The following PTPRT variants were observed in gnomAD, a reference collection of about 807,000 sequenced individuals.
The protein encoded by PTPRT is receptor-type tyrosine-protein phosphatase T.
In PTPRT, 56 loss-of-function variants were observed where a neutral mutation model predicts 176.8. That is an observed-to-expected ratio of 0.32 (90% CI 0.26 to 0.40). The LOEUF is 0.40. Ranked by LOEUF, PTPRT falls within the 10% of genes least tolerant of loss-of-function variation. The pLI is 1.00. For synonymous variants in PTPRT, 783 were observed against 739.0 expected, an observed-to-expected ratio of 1.06 and a Z score of -0.96; for missense variants, 1,540 against 1,908.2, an observed-to-expected ratio of 0.81 and a Z score of 3.60.
chr20:42,297,066 C>A (rs890548812), intron 12 of PTPRT, among the ~76,000 whole-genome samples: 1 of 151,868 alleles, frequency 6.6e-6, no homozygotes, highest in Non-Finnish European at 1.5e-5. Context: ...AAGCTATAAA[C>A]AGTAAATGAA....
Position 42,799,212 on chromosome 20 carries a change from A to C in PTPRT, c.215-7746T>G, listed in dbSNP as rs569402284. Among the ~76,000 whole-genome samples, 502 of 152,030 alleles carry C rather than the reference A, an allele frequency of 3.3e-3. 2 individuals are homozygous for C. Among genetic ancestry groups the C allele is most frequent in the South Asian group, 0.018 (87 of 4,796 alleles). On this transcript the variant is annotated intron_variant, in intron 2 of 30. Transcript: ENST00000373187. ...GGGAACAAGGGAAAGAGGCAGAAGG[A>C]GAAGCAGGAGACATGAACTGCAGGC...
At chr20:42,336,011 C>T (rs763475) in intron 11 of PTPRT, among the ~76,000 whole-genome samples, 131,764 of 152,146 alleles carry the variant, frequency 0.87, 57,489 homozygotes, top group Non-Finnish European at 0.91. Context: ...ATAGGGATAA[C>T]ACTAGTTTCT....
At chr20:42,560,189 G>T (rs1376114795) in intron 7 of PTPRT, among the ~76,000 whole-genome samples, 1 of 152,160 alleles carries the variant, frequency 6.6e-6, no homozygotes. Flanking sequence ...TCTGGAAGCC[G>T]ACTTCTACAG....
At chr20:42,345,898 C>T (rs2058187817) in intron 11 of PTPRT, among the ~76,000 whole-genome samples, 1 of 152,084 alleles carries the variant, frequency 6.6e-6, no homozygotes. Flanking sequence ...TCTGATGAGC[C>T]TTGAATTCCA....
At chr20:42,706,140 T>C (rs1030706168) in intron 6 of PTPRT, among the ~76,000 whole-genome samples, 1 of 151,526 alleles carries the variant, frequency 6.6e-6, no homozygotes, top group Admixed American at 6.6e-5. Flanking sequence ...TGTCTGTCTG[T>C]CTCTCTTTGT....
chr20:42,927,516 C>T (rs1390131272), intron 1 of PTPRT, among the ~76,000 whole-genome samples: 1 of 151,930 alleles, frequency 6.6e-6, no homozygotes, highest in Non-Finnish European at 1.5e-5. Context: ...GAGCCAGGAT[C>T]GCATCACTGC....
At chr20:43,013,069 A>AT (rs1037435324) in intron 1 of PTPRT, among the ~76,000 whole-genome samples, 5 of 150,902 alleles carry the variant, frequency 3.3e-5, no homozygotes, top group Admixed American at 2.0e-4. Flanking sequence ...CTTTTTATGA[A>AT]TTTTTTTTTC....
At chr20:42,771,257 C>T (rs769453740) in intron 5 of PTPRT, among the ~76,000 whole-genome samples, 178 bp downstream of exon 5, 43 of 152,192 alleles carry the variant, frequency 2.8e-4, no homozygotes, top group Non-Finnish European at 5.9e-4. Context: ...AGACCTCTCC[C>T]GCCTGGACCT....
Position 42,118,396 on chromosome 20 carries a change from G to A in PTPRT, c.2982+7C>T. 1 of 1,607,402 alleles carries A rather than the reference G, an allele frequency of 6.2e-7. No individual in the cohort carries two copies. The highest frequency in any genetic ancestry group is 8.5e-7 in the Non-Finnish European group (1 of 1,176,038). On this transcript the variant is annotated splice_region_variant and intron_variant, in intron 21 of 30. Transcript: ENST00000373187. Reference sequence around the variant, plus strand: ...CCTCTGCCCAGGCGAGTGCAGGAGAGGCTTACCCTGCCCACTTCCACCAGG... The same window carrying A: ...CCTCTGCCCAGGCGAGTGCAGGAGAAGCTTACCCTGCCCACTTCCACCAGG...
intron 7 of PTPRT, among the ~76,000 whole-genome samples, chr20:42,529,156 T>A (rs570782171): frequency 6.9e-4 from 105 of 152,316 alleles, no homozygotes; most frequent in Admixed American, 2.0e-3. Context: ...TCCTCACCTA[T>A]AAGATGTCAC....
At chr20:42,359,550 G>A (rs1439151874) in intron 9 of PTPRT, among the ~76,000 whole-genome samples, 1 of 152,140 alleles carries the variant, frequency 6.6e-6, no homozygotes, top group African/African-American at 2.4e-5. Flanking sequence ...CTCAGCCAGC[G>A]GGAGGGAAGA....
chr20:42,191,882 A>ATCAT (rs1444110021), intron 16 of PTPRT, among the ~76,000 whole-genome samples: 2 of 152,308 alleles, frequency 1.3e-5, no homozygotes, highest in Non-Finnish European at 2.9e-5. Flanking sequence ...TTCCAGCTCC[A>ATCAT]TCATTCATTC....
chr20:42,758,213 C>A (rs1046546669), intron 5 of PTPRT, among the ~76,000 whole-genome samples: 1 of 152,178 alleles, frequency 6.6e-6, no homozygotes, highest in African/African-American at 2.4e-5. Flanking sequence ...ATTCTCATGC[C>A]CTGAGTCTCC....
Position 42,723,987 on chromosome 20 carries a change from C to T in PTPRT, c.859+32475G>A, listed in dbSNP as rs372521603. Among the ~76,000 whole-genome samples, 12 of 152,262 alleles carry T rather than the reference C, an allele frequency of 7.9e-5. 1 individual carries two copies. The highest frequency in any genetic ancestry group is 1.0e-4 in the Non-Finnish European group (7 of 68,018). The stretch of plus-strand genomic sequence containing the variant: ...TCTTAGTGAGTTCATATTACCTCTC[C>T]GAGGCTGTCTCAATGAGTGAAAATA... On this transcript the variant is annotated intron_variant, in intron 6 of 30. Transcript: ENST00000373187.
chr20:42,881,817 G>C (rs1233472969), intron 2 of PTPRT, among the ~76,000 whole-genome samples: 1 of 151,720 alleles, frequency 6.6e-6, no homozygotes, highest in East Asian at 1.9e-4. Flanking sequence ...AACAAATTCT[G>C]GTGAGAAGGA....
intron 14 of PTPRT, among the ~76,000 whole-genome samples, chr20:42,243,726 C>A (rs1472122953): frequency 6.6e-6 from 1 of 152,184 alleles, no homozygotes; most frequent in Non-Finnish European, 1.5e-5. Context: ...TAGAAGGTAG[C>A]AGCATGAGCT....
At chr20:42,435,897 A>C (rs1013616047) in intron 9 of PTPRT, among the ~76,000 whole-genome samples, 1 of 152,216 alleles carries the variant, frequency 6.6e-6, no homozygotes, top group Non-Finnish European at 1.5e-5. Context: ...AAATATGACT[A>C]TGCATGGTTA....
intron 15 of PTPRT, among the ~76,000 whole-genome samples, chr20:42,225,543 A>G (rs1009282631): frequency 6.6e-6 from 1 of 151,910 alleles, no homozygotes; most frequent in African/African-American, 2.4e-5. Flanking sequence ...TGCCTTTTTA[A>G]GTTTTTTTCC....
chr20:42,665,717 G>A (rs1370354119), intron 7 of PTPRT, among the ~76,000 whole-genome samples: 2 of 152,110 alleles, frequency 1.3e-5, no homozygotes, highest in Non-Finnish European at 2.9e-5. Flanking sequence ...TGATAGACTG[G>A]ATTAAGAAAA....
Sources: allele counts gnomAD v4.1 joint callset (sites outside exome capture counted in the v4.1 genomes callset), GRCh38; gene constraint gnomAD v4.1.1; transcripts MANE v1.5; gene names NCBI Gene and HGNC (gene_info 2026-07-23, HGNC 2026-07-21).